Variants in NTM observed in about 807,000 individuals in gnomAD.
The protein encoded by NTM is IgLON family member 2.
NTM carries 13 observed loss-of-function variants against 42.1 expected under a neutral mutation model. That is an observed-to-expected ratio of 0.31 (90% CI 0.20 to 0.49). NTM has a LOEUF of 0.49. NTM is among the 20% of genes least tolerant of loss of function. The pLI, the probability that NTM is intolerant of heterozygous loss-of-function variation, is 0.99. For synonymous variants in NTM, 187 were observed against 179.2 expected (o/e 1.04, Z -0.35); for missense variants, 373 against 452.8 (o/e 0.82, Z 1.60).
chr11:132,289,294 T>A (rs920443862), intron 4 of NTM, among the ~76,000 whole-genome samples: 5 of 152,200 alleles, frequency 3.3e-5, no homozygotes, highest in Admixed American at 2.6e-4. Flanking sequence ...TCTGTTAAGA[T>A]CCTTTGAGAA....
At chr11:131,871,604 C>T (rs1026368093) in intron 1 of NTM, among the ~76,000 whole-genome samples, 1 of 152,194 alleles carries the variant, frequency 6.6e-6, no homozygotes, top group African/African-American at 2.4e-5. Context: ...TAAGCTTACA[C>T]AAATAGTTTA....
intron 1 of NTM, among the ~76,000 whole-genome samples, chr11:131,883,478 G>A (rs531499549): frequency 4.7e-5 from 7 of 148,620 alleles, no homozygotes; most frequent in South Asian, 2.2e-4. Context: ...TAGTCACAGA[G>A]CCTCTAAATT....
At chr11:131,607,715 T>C (rs147870892) in intron 1 of NTM, among the ~76,000 whole-genome samples, 1 of 152,264 alleles carries the variant, frequency 6.6e-6, no homozygotes, top group East Asian at 1.9e-4. Flanking sequence ...TCATGTAGCA[T>C]TTATTAAAAG....
intron 1 of NTM, among the ~76,000 whole-genome samples, chr11:131,513,528 A>T (rs569299532): frequency 6.6e-6 from 1 of 152,324 alleles, no homozygotes; most frequent in Admixed American, 6.5e-5. Context: ...AGTTTCTTGG[A>T]GACAGGATTA....
At chr11:131,775,761 A>T (rs2086859548) in intron 1 of NTM, among the ~76,000 whole-genome samples, 1 of 152,210 alleles carries the variant, frequency 6.6e-6, no homozygotes, top group Admixed American at 6.5e-5. Flanking sequence ...TTAATTCAAG[A>T]TGTACAGTAA....
At chr11:131,926,111 A>T (rs1176364523) in intron 2 of NTM, among the ~76,000 whole-genome samples, 1 of 55,350 alleles carries the variant, frequency 1.8e-5, no homozygotes, top group Non-Finnish European at 3.7e-5. Flanking sequence ...TGTATGGATT[A>T]GAAAAAAAAG....
chr11:131,770,421 C>T (rs2085877130), intron 1 of NTM, among the ~76,000 whole-genome samples: 1 of 152,212 alleles, frequency 6.6e-6, no homozygotes, highest in South Asian at 2.1e-4. Context: ...AAAGTACTCA[C>T]ATTTCAAATG....
At position 131,848,784 on chromosome 11, in the gene NTM, TA is replaced by T. The variant is rs1361274052; in HGVS notation, c.83-62776del. Among the ~76,000 whole-genome samples the T allele has an allele frequency of 2.0e-5, 3 of 152,162 alleles. No homozygotes were observed. In the East Asian group the frequency reaches 5.8e-4, roughly 29 times the overall value. On this transcript the variant is annotated intron_variant, in intron 1 of 8. Coordinates refer to ENST00000683400, the MANE Select transcript of NTM (RefSeq NM_001352005.2). ...ACCTAGGAAATATCAGAGCCAGAAC[TA>T]AAACCCAAACCTTCTCCTCCAAGTC...
At chr11:131,384,226 T>C (rs1357208089) in intron 1 of NTM, among the ~76,000 whole-genome samples, 1 of 151,920 alleles carries the variant, frequency 6.6e-6, no homozygotes, top group African/African-American at 2.4e-5. Flanking sequence ...AAGGAATACA[T>C]AAAAAAGAAT....
At chr11:131,852,744 C>T (rs986045255) in intron 1 of NTM, among the ~76,000 whole-genome samples, 1 of 152,168 alleles carries the variant, frequency 6.6e-6, no homozygotes, top group African/African-American at 2.4e-5. Context: ...TGGATTTATC[C>T]ATTCACTCAT....
At chr11:131,671,048 C>G (rs2070122348) in intron 1 of NTM, among the ~76,000 whole-genome samples, 1 of 152,162 alleles carries the variant, frequency 6.6e-6, no homozygotes, top group Admixed American at 6.5e-5. Context: ...ATCCTCCCTT[C>G]TCTGTTTCCT....
At chr11:131,911,325 G>T in intron 1 of NTM, 1 of 1,470,000 alleles carries the variant, frequency 6.8e-7, no homozygotes, top group South Asian at 1.4e-5. Flanking sequence ...TAGACTCGGA[G>T]GAGTCTGCGC....
intron 2 of NTM, among the ~76,000 whole-genome samples, chr11:132,006,254 A>G (rs1299097325): frequency 6.6e-6 from 1 of 152,186 alleles, no homozygotes; most frequent in Non-Finnish European, 1.5e-5. Context: ...TCAACTCAAA[A>G]ATGGCGAGAA....
intron 1 of NTM, among the ~76,000 whole-genome samples, chr11:131,378,041 T>G (rs745957277): frequency 6.6e-6 from 1 of 152,232 alleles, no homozygotes; most frequent in Non-Finnish European, 1.5e-5. Flanking sequence ...AGCCAGTGGT[T>G]TGCAAACTTG....
intron 2 of NTM, among the ~76,000 whole-genome samples, chr11:132,042,886 A>C (rs484096): frequency 0.42 from 64,236 of 152,014 alleles, 15,825 homozygotes; most frequent in East Asian, 0.8. Context: ...TCTCTTGTTC[A>C]TCTTATATCC....
intron 4 of NTM, among the ~76,000 whole-genome samples, chr11:132,249,789 T>C (rs1470477638): frequency 6.6e-6 from 1 of 152,226 alleles, no homozygotes; most frequent in Non-Finnish European, 1.5e-5. Flanking sequence ...TTCAACTCAT[T>C]AAAGGACCAT....
At chr11:132,062,080 C>G (rs1329398451) in intron 2 of NTM, among the ~76,000 whole-genome samples, 6 of 152,122 alleles carry the variant, frequency 3.9e-5, no homozygotes, top group African/African-American at 1.4e-4. Flanking sequence ...ACTTCTGAAG[C>G]AGGTACAGTC....
rs192504502 is a variant in NTM, at chr11:132,071,758, T to C, written c.168-74524T>C. 1.1e-4 allele frequency among the ~76,000 whole-genome samples: 17 copies of C among 152,272 alleles called. No homozygotes were observed. In the East Asian group the frequency reaches 3.1e-3, roughly 28 times the overall value. On this transcript the variant is annotated intron_variant, in intron 2 of 8. Transcript: ENST00000683400. ...AAAGAGAGAAAGAACATTTTTTTTT[T>C]CTGGAATTAGAGTTCATAGCTTTTA...
chr11:131,842,746 C>T (rs1056016071), intron 1 of NTM, among the ~76,000 whole-genome samples: 11 of 152,180 alleles, frequency 7.2e-5, no homozygotes, highest in Non-Finnish European at 1.2e-4. Context: ...CAAAGTGGCT[C>T]ATGCCTATAA....
Sources: gnomAD v4.1 joint callset for allele counts (sites outside exome capture counted in the v4.1 genomes callset) on GRCh38, gnomAD v4.1.1 for gene constraint, MANE v1.5 for transcripts, NCBI Gene and HGNC (gene_info 2026-07-23, HGNC 2026-07-21) for gene names.